The following CAMK2D variants were observed in gnomAD, a reference collection of about 807,000 sequenced individuals.
CAMK2D encodes the protein calcium/calmodulin dependent protein kinase II delta.
In CAMK2D, 37 loss-of-function variants were observed where a neutral mutation model predicts 84.0. The ratio of observed to expected loss-of-function variants is 0.44; its 90% CI spans 0.34 to 0.58. The LOEUF (loss-of-function observed/expected upper bound fraction) is 0.58, where lower values mean the gene tolerates loss of function less well. Among genes scored for constraint, CAMK2D ranks in the 20% least tolerant of loss-of-function variants. The pLI is 0.02. For synonymous variants in CAMK2D, 202 were observed against 212.5 expected, an observed-to-expected ratio of 0.95 and a Z score of 0.43; for missense variants, 448 against 652.5, an observed-to-expected ratio of 0.69 and a Z score of 3.41.
chr4:113,649,890 T>C (rs1483724822), intron 3 of CAMK2D, among the ~76,000 whole-genome samples: 2 of 152,098 alleles, frequency 1.3e-5, no homozygotes, highest in Non-Finnish European at 1.5e-5. Flanking sequence ...GAGACCAGCC[T>C]GGCCAACATG....
In CAMK2D at chr4:113,696,558, T is replaced by C. The variant is rs79012297; in HGVS notation, c.161-34786A>G. 9.5e-3 allele frequency among the ~76,000 whole-genome samples: 1,448 copies of C among 152,220 alleles called. 15 individuals are homozygous for C. Among genetic ancestry groups the C allele is most frequent in the African/African-American group, 0.033 (1,368 of 41,540 alleles). Reference sequence around the variant, plus strand: ...GGTTGTTATTACCCACCTTCTAATATCTATTGATAATAGCTATTAGGTAAG... The same window carrying C: ...GGTTGTTATTACCCACCTTCTAATACCTATTGATAATAGCTATTAGGTAAG... On this transcript the variant is annotated intron_variant, in intron 2 of 20. Transcript: ENST00000511664.
Position 113,761,292 on chromosome 4 carries a change from C to A in CAMK2D, c.-224G>T. On this transcript the variant is annotated 5_prime_UTR_variant, in exon 1 of 21. Transcript: ENST00000511664. ...CTCCTCCCCACAGTCCGCCGATCCT[C>A]CTCCTCCTGCGGGCCTCGCTTCCTT... The A allele has an allele frequency of 7.0e-7, 1 of 1,426,132 alleles. No individual in the cohort carries two copies. The highest frequency in any genetic ancestry group is 9.1e-7 in the Non-Finnish European group (1 of 1,094,210). The allele number at this position is 1,426,132 out of a possible 1,614,324, so 88.3% of individuals were successfully genotyped here. A position where few individuals can be genotyped will look rare whatever the true frequency, so the allele number is the denominator to read the frequency against.
chr4:113,639,510 C>A (rs1162022154), intron 3 of CAMK2D, among the ~76,000 whole-genome samples: 2 of 151,970 alleles, frequency 1.3e-5, no homozygotes, highest in Non-Finnish European at 2.9e-5. Flanking sequence ...AAAAAGGAAG[C>A]CCTGCACCAG....
At chr4:113,660,449 T>C (rs1418980312) in intron 3 of CAMK2D, among the ~76,000 whole-genome samples, 2 of 152,134 alleles carry the variant, frequency 1.3e-5, no homozygotes, top group Non-Finnish European at 2.9e-5. Context: ...CCAGGCTGTC[T>C]GAAGTGCATG....
At position 113,761,396 on chromosome 4, in the gene CAMK2D, G is replaced by C. The variant is rs2099641110; in HGVS notation, c.-328C>G. ...AGGGGGTAAAGTACTCAAGAAGAGGGGGCCGGGAAATGGAAAAACAGCCAG... is the reference window on the plus strand; with the variant it reads ...AGGGGGTAAAGTACTCAAGAAGAGGCGGCCGGGAAATGGAAAAACAGCCAG... On this transcript the variant is annotated 5_prime_UTR_variant, in exon 1 of 21. Coordinates refer to ENST00000511664, the MANE Select transcript of CAMK2D (RefSeq NM_001321571.2). 1 of 1,256,176 alleles carries C rather than the reference G, an allele frequency of 8.0e-7. No homozygotes were observed. The highest frequency in any genetic ancestry group is 1.5e-5 in the African/African-American group (1 of 65,736). The allele number at this position is 1,256,176 out of a possible 1,614,324, so 77.8% of individuals were successfully genotyped here.
At chr4:113,530,426 C>T (rs969511159) in intron 8 of CAMK2D, among the ~76,000 whole-genome samples, 3 of 152,124 alleles carry the variant, frequency 2.0e-5, no homozygotes, top group Non-Finnish European at 4.4e-5. Context: ...GCACTCAAAA[C>T]GTTTTGGATT....
At chr4:113,565,311 C>T (rs2098717299) in intron 4 of CAMK2D, among the ~76,000 whole-genome samples, 1 of 152,180 alleles carries the variant, frequency 6.6e-6, no homozygotes, top group Admixed American at 6.5e-5. Flanking sequence ...TACAATACCT[C>T]TCTATTTTGG....
chr4:113,673,071 A>C (rs1010282961), intron 2 of CAMK2D, among the ~76,000 whole-genome samples: 1 of 152,144 alleles, frequency 6.6e-6, no homozygotes, highest in Non-Finnish European at 1.5e-5. Context: ...TCTACAAGAG[A>C]AGGTAATGAG....
chr4:113,525,808 T>C (rs1398218108), intron 8 of CAMK2D, among the ~76,000 whole-genome samples: 1 of 152,198 alleles, frequency 6.6e-6, no homozygotes, highest in Non-Finnish European at 1.5e-5. Context: ...TAGTGTAATT[T>C]TTTACCACTC....
Position 113,761,278 on chromosome 4 carries a change from A to G in CAMK2D, c.-210T>C, listed in dbSNP as rs2149200558. The G allele has an allele frequency of 7.0e-7, 1 of 1,433,102 alleles. No homozygotes were observed. The highest frequency in any genetic ancestry group is 9.1e-7 in the Non-Finnish European group (1 of 1,097,008). 88.8% of individuals were successfully genotyped at this position (1,433,102 alleles called of 1,614,324 possible). ...GGGTGGCGTGGGGTCTCCTCCCCAC[A>G]GTCCGCCGATCCTCCTCCTCCTGCG... On this transcript the variant is annotated 5_prime_UTR_variant, in exon 1 of 21. Coordinates refer to ENST00000511664, the MANE Select transcript of CAMK2D (RefSeq NM_001321571.2).
chr4:113,554,637 T>A (rs777429964), intron 4 of CAMK2D, among the ~76,000 whole-genome samples: 16 of 152,150 alleles, frequency 1.1e-4, no homozygotes, highest in Non-Finnish European at 1.3e-4. Flanking sequence ...AAATATCAGT[T>A]ATAATAGAAT....
intron 4 of CAMK2D, among the ~76,000 whole-genome samples, chr4:113,584,768 G>A (rs1322444197): frequency 2.0e-5 from 3 of 152,054 alleles, no homozygotes; most frequent in South Asian, 2.1e-4. Context: ...AGGAAATGTT[G>A]GTCTTGCAGT....
intron 12 of CAMK2D, among the ~76,000 whole-genome samples, chr4:113,510,071 C>T (rs1462232707): frequency 2.0e-5 from 3 of 152,148 alleles, no homozygotes; most frequent in Non-Finnish European, 4.4e-5. Flanking sequence ...TCATTCACAC[C>T]ACATATGGTG....
chr4:113,619,484 C>T lies in CAMK2D; in HGVS notation c.221-10278G>A, dbSNP rs111565477. 4.8e-3 allele frequency among the ~76,000 whole-genome samples: 734 copies of T among 152,196 alleles called. 5 individuals are homozygous for T. Among genetic ancestry groups the T allele is most frequent in the African/African-American group, 0.016 (645 of 41,550 alleles). ...TCATGGCCTAAAAGGTCCCTCGCTC[C>T]ACCCTCATTATCCCCCTAACCTCTC... On this transcript the variant is annotated intron_variant, in intron 3 of 20. Coordinates refer to ENST00000511664, the MANE Select transcript of CAMK2D (RefSeq NM_001321571.2).
rs1199114233 is a variant in CAMK2D, at chr4:113,517,555, T to C, written c.696+8A>G. The stretch of plus-strand genomic sequence containing the variant: ...TCATCTAAAGTGATATAAATAGTTA[T>C]TACATACATCATAAGCTCCAGCCTT... On this transcript the variant is annotated splice_region_variant and intron_variant, in intron 9 of 20. Coordinates refer to ENST00000511664, the MANE Select transcript of CAMK2D (RefSeq NM_001321571.2). The C allele has an allele frequency of 5.1e-6, 7 of 1,378,656 alleles. No homozygotes were observed. Among genetic ancestry groups the C allele is most frequent in the Non-Finnish European group, 7.2e-6 (7 of 972,994 alleles). 85.4% of individuals were successfully genotyped at this position (1,378,656 alleles called of 1,614,324 possible).
At chr4:113,529,517 G>T (rs2098444138) in intron 8 of CAMK2D, among the ~76,000 whole-genome samples, 1 of 152,122 alleles carries the variant, frequency 6.6e-6, no homozygotes, top group African/African-American at 2.4e-5. Context: ...CTTGTAGGCT[G>T]GTAGCAATGA....
At chr4:113,696,195 G>GAC (rs56784441) in intron 2 of CAMK2D, among the ~76,000 whole-genome samples, 2,268 of 144,606 alleles carry the variant, frequency 0.016, 29 homozygotes, top group East Asian at 0.049. Context: ...CAGACACACA[G>GAC]ACACACACAC....
intron 16 of CAMK2D, among the ~76,000 whole-genome samples, chr4:113,472,210 C>G (rs187936813): frequency 2.0e-5 from 3 of 152,242 alleles, no homozygotes; most frequent in East Asian, 1.9e-4. Context: ...ACTGAGTCAA[C>G]GTCCATAAAT....
chr4:113,593,674 G>A (rs2098906105), intron 4 of CAMK2D, among the ~76,000 whole-genome samples: 1 of 152,172 alleles, frequency 6.6e-6, no homozygotes, highest in Non-Finnish European at 1.5e-5. Context: ...AACAAGGTCT[G>A]CCCTCAGGAA....
Sources: allele counts gnomAD v4.1 joint callset (sites outside exome capture counted in the v4.1 genomes callset), GRCh38; gene constraint gnomAD v4.1.1; transcripts MANE v1.5; gene names NCBI Gene and HGNC (gene_info 2026-07-23, HGNC 2026-07-21).